The following BAZ1B variants were observed in gnomAD, a reference collection of about 807,000 sequenced individuals.
The protein encoded by BAZ1B is bromodomain adjacent to zinc finger domain 1B.
A neutral mutation model predicts 153.8 loss-of-function variants in BAZ1B; 22 were observed. The ratio of observed to expected loss-of-function variants is 0.14; its 90% CI spans 0.10 to 0.20. The LOEUF is 0.20. Among genes scored for constraint, BAZ1B ranks in the 10% least tolerant of loss-of-function variants. The probability of loss-of-function intolerance (pLI) is 1.00; values close to 1 mark genes in which losing one functional copy is unlikely to be tolerated. For missense variants in BAZ1B, 1,325 were observed against 1,799.3 expected (o/e 0.74, Z 4.77); for synonymous variants, 676 against 633.4 (o/e 1.07, Z -1.01).
chr7:73,444,276 T>C lies in BAZ1B; in HGVS notation c.3845-147A>G, dbSNP rs1787742557. 4.3e-6 allele frequency: 4 copies of C among 933,250 alleles called. No individual in the cohort carries two copies. The South Asian group carries it at 7.9e-5, about 18-fold the overall frequency. 57.8% of individuals were successfully genotyped at this position (933,250 alleles called of 1,614,324 possible). A position where few individuals can be genotyped will look rare whatever the true frequency, so the allele number is the denominator to read the frequency against. ...TTTGGTTTTAAGGTGCTCTTGCTAT[T>C]TTATCTTGCCTTACCTAACAGGACA... On this transcript the variant is annotated intron_variant, in intron 16 of 19. Transcript: ENST00000339594.
At chr7:73,519,500 C>CATA (rs1790943784) in intron 1 of BAZ1B, among the ~76,000 whole-genome samples, 1 of 152,022 alleles carries the variant, frequency 6.6e-6, no homozygotes, top group Non-Finnish European at 1.5e-5. Context: ...TGTTTTAAGA[C>CATA]TTCTTTTGTT....
chr7:73,466,635 G>C, intron 9 of BAZ1B, among the ~76,000 whole-genome samples: 1 of 152,166 alleles, frequency 6.6e-6, no homozygotes, highest in East Asian at 1.9e-4. Flanking sequence ...CAGTTCCAAA[G>C]TTTAGGGGTA....
At position 73,450,907 on chromosome 7, in the gene BAZ1B, C is replaced by A. The variant is rs1554568030; in HGVS notation, c.3520G>T (p.Ala1174Ser). ...RMHVLLGMLD[A>S]CIKWDMSAEN... ...GCGGACATATCCCACTTGATACAGG[C>A]ATCAAGCATCCCAAGCAGCACGTGC... The change falls in exon 14 of 20, where the codon GCC becomes TCC. Residue 1174 changes from alanine (A) to serine (S), a missense_variant. This residue lies in a region of BAZ1B where 431 missense variants were observed against 563.5 expected (regional missense o/e 0.76). Coordinates refer to ENST00000339594, the MANE Select transcript of BAZ1B (RefSeq NM_032408.4). This position sits in a 1 kb window ranked among gnomAD's most constrained non-coding sequence, Gnocchi z 4.1. The A allele has an allele frequency of 6.2e-7, 1 of 1,614,140 alleles. No homozygotes were observed. The highest frequency in any genetic ancestry group is 8.5e-7 in the Non-Finnish European group (1 of 1,180,026).
Position 73,450,770 on chromosome 7 carries a change from G to T in BAZ1B, c.3580+77C>A. The T allele has an allele frequency of 6.5e-7, 1 of 1,532,574 alleles. No homozygotes were observed. Among genetic ancestry groups the T allele is most frequent in the Non-Finnish European group, 9.0e-7 (1 of 1,116,606 alleles). 94.9% of individuals were successfully genotyped at this position (1,532,574 alleles called of 1,614,324 possible). A position where few individuals can be genotyped will look rare whatever the true frequency, so the allele number is the denominator to read the frequency against. On this transcript the variant is annotated intron_variant, in intron 14 of 19. Coordinates refer to ENST00000339594, the MANE Select transcript of BAZ1B (RefSeq NM_032408.4). The surrounding 1 kb of genome is among the most constrained non-coding windows in gnomAD (Gnocchi z 4.1). ...TATTCTGTGTACACAAAATTCTTTT[G>T]GGTAGAAATGAAGATCTTGGGAATA...
Position 73,510,638 on chromosome 7 carries a change from C to T in BAZ1B, c.224+98G>A, listed in dbSNP as rs1790541954. ...TAATGTAATATAGTCTAATTTGTGC[C>T]CCATAAACTTAAATACACATACTGC... On this transcript the variant is annotated intron_variant, in intron 2 of 19. Transcript: ENST00000339594. 3 of 1,157,288 alleles carry T rather than the reference C, an allele frequency of 2.6e-6. No homozygotes were observed. In the Admixed American group the frequency reaches 5.5e-5, roughly 21 times the overall value. The allele number at this position is 1,157,288 out of a possible 1,614,324, so 71.7% of individuals were successfully genotyped here. A position where few individuals can be genotyped will look rare whatever the true frequency, so the allele number is the denominator to read the frequency against.
chr7:73,470,580 G>GT, intron 7 of BAZ1B, 97 bp from the exon 8 acceptor site: 2 of 1,380,342 alleles, frequency 1.4e-6, no homozygotes, highest in Non-Finnish European at 2.0e-6. Context: ...CTAGTATACA[G>GT]TAGTTATCAA....
intron 6 of BAZ1B, among the ~76,000 whole-genome samples, chr7:73,486,842 G>C (rs1194197893): frequency 1.3e-5 from 2 of 152,308 alleles, no homozygotes; most frequent in East Asian, 3.9e-4. Flanking sequence ...AGAAAACAAA[G>C]CAATGTTTTA....
In BAZ1B at chr7:73,450,350, G is replaced by A. The variant is rs947787794; in HGVS notation, c.3580+497C>T. On this transcript the variant is annotated intron_variant, in intron 14 of 19. Coordinates refer to ENST00000339594, the MANE Select transcript of BAZ1B (RefSeq NM_032408.4). This position sits in a 1 kb window ranked among gnomAD's most constrained non-coding sequence, Gnocchi z 4.1. ...CTTTACAGCAACTGAATGATTTTAC[G>A]TAGATCTTTTCATCTCTAACCTAAC... is the stretch of plus-strand genomic sequence containing the variant. 5.3e-5 allele frequency among the ~76,000 whole-genome samples: 8 copies of A among 152,132 alleles called. No individual in the cohort carries two copies. The highest frequency in any genetic ancestry group is 2.1e-4 in the South Asian group (1 of 4,830).
At chr7:73,517,198 AG>A (rs1384324333) in intron 1 of BAZ1B, among the ~76,000 whole-genome samples, 2 of 151,488 alleles carry the variant, frequency 1.3e-5, no homozygotes, top group Non-Finnish European at 2.9e-5. Flanking sequence ...CAAAAAAAAA[AG>A]AGAGAAAGTA....
intron 3 of BAZ1B, among the ~76,000 whole-genome samples, chr7:73,506,259 G>C (rs1400244927): frequency 6.6e-6 from 1 of 152,000 alleles, no homozygotes; most frequent in East Asian, 1.9e-4. Context: ...AGCACTCTGG[G>C]AGGCCGAGAC....
chr7:73,469,067 T>C (rs1201959153), intron 9 of BAZ1B, among the ~76,000 whole-genome samples: 2 of 149,760 alleles, frequency 1.3e-5, no homozygotes, highest in East Asian at 2.0e-4. Flanking sequence ...GAGGTGGAGG[T>C]TGCAGTGAGC....
intron 4 of BAZ1B, among the ~76,000 whole-genome samples, chr7:73,497,755 A>G (rs1268332673): frequency 2.0e-5 from 3 of 152,164 alleles, no homozygotes; most frequent in African/African-American, 4.8e-5. Flanking sequence ...GTTCAAACCT[A>G]TGTTGTTCAA....
chr7:73,500,845 C>A (rs1438016108), intron 3 of BAZ1B, among the ~76,000 whole-genome samples: 1 of 150,642 alleles, frequency 6.6e-6, no homozygotes, highest in Admixed American at 6.6e-5. Flanking sequence ...GAGCCGAGAT[C>A]GCGCCATTGC....
rs782660606 is a variant in BAZ1B at position 73,462,927 on chromosome 7, C to A, written c.3244G>T (p.Ala1082Ser). Residue 1082 changes from alanine to serine, a missense_variant, in exon 12 of 20, where the codon GCC (alanine) becomes TCC (serine). This residue lies in a region of BAZ1B where 431 missense variants were observed against 563.5 expected (regional missense o/e 0.76). Transcript: ENST00000339594. ...GGATTTTCTTATATTCCTACCCGGG[C>A]TTCAAATTCTGATGTTTCTTCCACA... Reference protein sequence around the residue: ...GYVEETSEFEARVISLEKLKD... With the variant: ...GYVEETSEFESRVISLEKLKD... 1.2e-6 allele frequency: 2 copies of A among 1,613,996 alleles called. No homozygotes were observed. Among genetic ancestry groups the A allele is most frequent in the Non-Finnish European group, 8.5e-7 (1 of 1,179,924 alleles).
chr7:73,508,290 T>C (rs1554578086), intron 3 of BAZ1B, 37 bp downstream of exon 3: 2 of 1,603,430 alleles, frequency 1.2e-6, no homozygotes, highest in African/African-American at 1.3e-5. Flanking sequence ...GCTCTAATTC[T>C]GATGGTAAGT....
chr7:73,459,151 G>A (rs1321323728), intron 13 of BAZ1B, among the ~76,000 whole-genome samples: 1 of 151,958 alleles, frequency 6.6e-6, no homozygotes, highest in Non-Finnish European at 1.5e-5. Flanking sequence ...GGGAGGCTGA[G>A]GCAGGAGAAT....
At chr7:73,521,744 G>C in intron 1 of BAZ1B, 83 bp downstream of exon 1, 6 of 1,202,890 alleles carry the variant, frequency 5.0e-6, no homozygotes, top group Non-Finnish European at 6.6e-6. Flanking sequence ...CCGGGGATGC[G>C]CGGCTGACCT....
chr7:73,469,880 CT>C (rs1259724677), intron 8 of BAZ1B, among the ~76,000 whole-genome samples: 3 of 152,090 alleles, frequency 2.0e-5, no homozygotes, highest in Non-Finnish European at 4.4e-5. Flanking sequence ...TAATTTCTTT[CT>C]TTTTTAAATT....
At chr7:73,463,232 CTTT>C (rs1213839525) in intron 11 of BAZ1B, 133 bp from the exon 12 acceptor site, 8 of 638,520 alleles carry the variant, frequency 1.3e-5, no homozygotes, top group Admixed American at 1.1e-4. Flanking sequence ...GGTGTTTTTT[CTTT>C]TTTCTTTTTT....
Sources: allele counts gnomAD v4.1 joint callset (sites outside exome capture counted in the v4.1 genomes callset), GRCh38; gene constraint gnomAD v4.1.1; regional missense constraint gnomAD v4.1.1; non-coding constraint Gnocchi (gnomAD v3.1); transcripts MANE v1.5; gene names NCBI Gene and HGNC (gene_info 2026-07-23, HGNC 2026-07-21).